The following TEX22 variants were observed in gnomAD, a reference collection of about 807,000 sequenced individuals.
TEX22 encodes testis expressed 22.
Under a neutral mutation model 11.3 loss-of-function variants are expected in TEX22, and 16 were observed. The observed-to-expected ratio is 1.42, with a 90% CI of 0.96 to 2.15. The LOEUF (loss-of-function observed/expected upper bound fraction) is 2.15. Among genes scored for constraint, TEX22 ranks in the 30% most tolerant of loss-of-function variants. The pLI, the probability that TEX22 is intolerant of heterozygous loss-of-function variation, is 0.00. For synonymous variants in TEX22, 97 were observed against 92.3 expected, an observed-to-expected ratio of 1.05 and a Z score of -0.29; for missense variants, 220 against 208.6, an observed-to-expected ratio of 1.05 and a Z score of -0.34.
chr14:105,403,344 G>A (rs1229970423), intron 2 of TEX22, among the ~76,000 whole-genome samples: 2 of 152,330 alleles, frequency 1.3e-5, no homozygotes, highest in South Asian at 2.1e-4. Context: ...GTTTGTCCTT[G>A]TAGGCATTAC....
chr14:105,411,534 C>T, intron 3 of TEX22, 38 bp downstream of exon 3: 2 of 1,115,654 alleles, frequency 1.8e-6, no homozygotes, highest in South Asian at 4.4e-5. Flanking sequence ...CCGTCCCCGC[C>T]CCGCCCCGCC....
At position 105,411,465 on chromosome 14, in the gene TEX22, C is replaced by G; in HGVS notation, c.248C>G (p.Pro83Arg). Residue 83 changes from proline to arginine, a missense_variant, in exon 3 of 4, where the codon CCG becomes CGG. By Grantham distance (103) the Pro-to-Arg change is moderately radical. Coordinates refer to ENST00000451127, the MANE Select transcript of TEX22 (RefSeq NM_001195082.2). Reference sequence around the variant, plus strand: ...GCCACGCTGGGCGGCCGGGAGAGGCCGGGCGCCGCCGGGACCCAGCTGCAC... The same window carrying G: ...GCCACGCTGGGCGGCCGGGAGAGGCGGGGCGCCGCCGGGACCCAGCTGCAC... ...RLATLGGRER[P>R]GAAGTQLHCR... 1 of 1,232,556 alleles carries G rather than the reference C, an allele frequency of 8.1e-7. No homozygotes were observed. Among genetic ancestry groups the G allele is most frequent in the Non-Finnish European group, 1.0e-6 (1 of 989,746 alleles). 76.4% of individuals were successfully genotyped at this position (1,232,556 alleles called of 1,614,324 possible).
At chr14:105,400,489 G>T (rs76069296) in intron 2 of TEX22, among the ~76,000 whole-genome samples, 2 of 152,186 alleles carry the variant, frequency 1.3e-5, no homozygotes, top group African/African-American at 4.8e-5. Flanking sequence ...GAGGGCCAGG[G>T]GGTGTGAGGC....
chr14:105,404,192 A>G (rs1450354388), intron 2 of TEX22, among the ~76,000 whole-genome samples: 1 of 152,212 alleles, frequency 6.6e-6, no homozygotes, highest in Non-Finnish European at 1.5e-5. Context: ...CAGCTCACTC[A>G]CATGACTGGC....
intron 2 of TEX22, among the ~76,000 whole-genome samples, chr14:105,402,273 C>T (rs782599269): frequency 2.6e-5 from 4 of 152,178 alleles, no homozygotes; most frequent in Non-Finnish European, 5.9e-5. Flanking sequence ...AGATGACAAT[C>T]ACTATTTGCA....
chr14:105,402,168 A>G (rs1555418417), intron 2 of TEX22, among the ~76,000 whole-genome samples: 3 of 152,208 alleles, frequency 2.0e-5, no homozygotes, highest in Non-Finnish European at 2.9e-5. Context: ...CCTGGGCGAC[A>G]GAGGGAGACT....
rs183000114 is a variant in TEX22 at position 105,400,942 on chromosome 14, T to C, written c.150+1452T>C. Among the ~76,000 whole-genome samples, 3 of 152,312 alleles carry C rather than the reference T, an allele frequency of 2.0e-5. No homozygotes were observed. In the East Asian group the frequency reaches 5.8e-4, roughly 29 times the overall value. On this transcript the variant is annotated intron_variant, in intron 2 of 3. Transcript: ENST00000451127. The stretch of plus-strand genomic sequence containing the variant: ...CACCTGCCCAGAGCCACTTCTGATA[T>C]GGACCTGGTATCACCCAATACCAGT...
At chr14:105,408,719 C>G (rs888850680) in intron 2 of TEX22, among the ~76,000 whole-genome samples, 4 of 152,176 alleles carry the variant, frequency 2.6e-5, no homozygotes, top group African/African-American at 7.2e-5. Context: ...CCACCGTGCC[C>G]GGCCGCACTG....
chr14:105,408,834 C>T (rs1197819619), intron 2 of TEX22, among the ~76,000 whole-genome samples: 4 of 152,112 alleles, frequency 2.6e-5, no homozygotes, highest in Non-Finnish European at 5.9e-5. Flanking sequence ...GTCTACTCAG[C>T]AGAAACCCAA....
At chr14:105,399,988 G>A (rs587633990) in intron 2 of TEX22, among the ~76,000 whole-genome samples, 32 of 152,360 alleles carry the variant, frequency 2.1e-4, no homozygotes, top group African/African-American at 7.5e-4. Context: ...CTGCTGGACA[G>A]TGAGCTACAG....
At chr14:105,409,891 C>T (rs1340750850) in intron 2 of TEX22, among the ~76,000 whole-genome samples, 3 of 151,970 alleles carry the variant, frequency 2.0e-5, no homozygotes, top group Non-Finnish European at 4.4e-5. Context: ...ATCTCTGCCT[C>T]AGCCTCCCCA....
At chr14:105,399,268 G>GCCCC in intron 1 of TEX22, 34 bp from the exon 2 acceptor site, 1 of 1,272,366 alleles carries the variant, frequency 7.9e-7, no homozygotes, top group Non-Finnish European at 1.1e-6. Context: ...GGCCTTGTGG[G>GCCCC]CCCCGCCCCA....
rs587763986 is a variant in TEX22 at position 105,407,569 on chromosome 14, T to C, written c.151-3799T>C. ...TTTTTGTAGAGATGAGGTCTCCCTA[T>C]GTTGCCCAGGCTGGTCTCGAACTTC... On this transcript the variant is annotated intron_variant, in intron 2 of 3. Transcript: ENST00000451127. Among the ~76,000 whole-genome samples the C allele has an allele frequency of 3.8e-4, 58 of 152,236 alleles. 2 individuals are homozygous for C. The South Asian group carries it at 0.012, about 30-fold the overall frequency.
chr14:105,409,499 TTC>T (rs1212705398), intron 2 of TEX22, among the ~76,000 whole-genome samples: 54 of 139,222 alleles, frequency 3.9e-4, no homozygotes, highest in African/African-American at 1.7e-3. Flanking sequence ...CTTCTTCTTC[TTC>T]TTTTTTTTTT....
intron 2 of TEX22, among the ~76,000 whole-genome samples, chr14:105,402,734 C>A (rs587773953): frequency 5.8e-5 from 8 of 138,616 alleles, no homozygotes; most frequent in East Asian, 2.1e-4. Flanking sequence ...CCAGCCTGGG[C>A]GACAGAGCGA....
chr14:105,409,649 A>G (rs1275165243), intron 2 of TEX22, among the ~76,000 whole-genome samples: 1 of 151,432 alleles, frequency 6.6e-6, no homozygotes, highest in Non-Finnish European at 1.5e-5. Flanking sequence ...AAGTGCTTGG[A>G]TTATAGCTAC....
chr14:105,406,807 T>C (rs6576086), intron 2 of TEX22, among the ~76,000 whole-genome samples: 132,425 of 152,184 alleles, frequency 0.87, 60,650 homozygotes, highest in Non-Finnish European at 1. Context: ...AAAGAGCCCA[T>C]TGTGATCATT....
chr14:105,406,772 A>G (rs1483753370), intron 2 of TEX22, among the ~76,000 whole-genome samples: 3 of 152,002 alleles, frequency 2.0e-5, no homozygotes, highest in African/African-American at 7.2e-5. Flanking sequence ...GTAAGGAAAG[A>G]GTAAGTCTGT....
chr14:105,405,457 A>G (rs1555418808), intron 2 of TEX22, among the ~76,000 whole-genome samples: 2 of 152,270 alleles, frequency 1.3e-5, no homozygotes, highest in Non-Finnish European at 2.9e-5. Flanking sequence ...GTTAAAAGAC[A>G]GACATTGTCA....
Sources: gnomAD v4.1 joint callset for allele counts (sites outside exome capture counted in the v4.1 genomes callset) on GRCh38, gnomAD v4.1.1 for gene constraint, MANE v1.5 for transcripts, NCBI Gene and HGNC (gene_info 2026-07-23, HGNC 2026-07-21) for gene names.